Variants in QTMAN observed in about 807,000 individuals in gnomAD.
QTMAN encodes the protein tRNA-queuosine alpha-mannosyltransferase.
chr2:144,047,097 C>T, the QTMAN span, among the ~76,000 whole-genome samples: 1 of 152,082 alleles, frequency 6.6e-6, no homozygotes, highest in Admixed American at 6.5e-5. Flanking sequence ...ATGGCAAAAC[C>T]CTATCTCTAC....
At chr2:144,041,297 C>T in the QTMAN span, among the ~76,000 whole-genome samples, 2 of 152,004 alleles carry the variant, frequency 1.3e-5, no homozygotes, top group Non-Finnish European at 2.9e-5. Context: ...CCTACACAAT[C>T]GGGGAAGGAA....
At chr2:144,139,495 A>G in the QTMAN span, among the ~76,000 whole-genome samples, 1 of 152,128 alleles carries the variant, frequency 6.6e-6, no homozygotes, top group African/African-American at 2.4e-5. Context: ...GTGCAAGGTC[A>G]TTCCACAAGT....
chr2:144,167,050 A>G, the QTMAN span, among the ~76,000 whole-genome samples: 2 of 152,134 alleles, frequency 1.3e-5, no homozygotes, highest in Admixed American at 1.3e-4. Context: ...ATCTTTGTAC[A>G]TTATCTCTGC....
the QTMAN span, among the ~76,000 whole-genome samples, chr2:144,186,560 A>T: frequency 6.6e-6 from 1 of 152,154 alleles, no homozygotes; most frequent in Non-Finnish European, 1.5e-5. Context: ...TTCCTCTTCA[A>T]ATTCTCCATG....
At chr2:144,253,814 C>T in the QTMAN span, among the ~76,000 whole-genome samples, 4 of 151,864 alleles carry the variant, frequency 2.6e-5, no homozygotes, top group South Asian at 2.1e-4. Flanking sequence ...CAGAAATTTT[C>T]GTAAGTAACA....
chr2:144,133,513 AAT>A, the QTMAN span, among the ~76,000 whole-genome samples: 3 of 87,358 alleles, frequency 3.4e-5, no homozygotes, highest in South Asian at 3.0e-4. Flanking sequence ...ATATATACAT[AAT>A]ATATATAAAT....
chr2:144,082,593 T>C, the QTMAN span, among the ~76,000 whole-genome samples: 2 of 151,814 alleles, frequency 1.3e-5, no homozygotes, highest in East Asian at 3.9e-4. Context: ...CATACCCATA[T>C]AGTTAAAAAA....
chr2:144,330,520 T>C, the QTMAN span, among the ~76,000 whole-genome samples: 29 of 152,342 alleles, frequency 1.9e-4, no homozygotes, highest in African/African-American at 6.3e-4. Context: ...GAATCAAAAA[T>C]ATGAATCGAT....
At chr2:143,963,786 T>G in the QTMAN span, 1 of 152,178 alleles carries the variant, frequency 6.6e-6, no homozygotes, top group Non-Finnish European at 1.5e-5. Flanking sequence ...TGAATCTTCC[T>G]TACTTTTCCC....
the QTMAN span, among the ~76,000 whole-genome samples, chr2:143,973,145 G>A: frequency 6.6e-6 from 1 of 151,610 alleles, no homozygotes; most frequent in Non-Finnish European, 1.5e-5. Flanking sequence ...TTTTGTAGTT[G>A]GGGAAAAGAT....
At chr2:143,971,823 A>C in the QTMAN span, among the ~76,000 whole-genome samples, 2 of 152,166 alleles carry the variant, frequency 1.3e-5, no homozygotes, top group African/African-American at 2.4e-5. Flanking sequence ...GCTATATGAA[A>C]TATGAAAATT....
At chr2:144,031,778 GAC>G in the QTMAN span, among the ~76,000 whole-genome samples, 1 of 151,858 alleles carries the variant, frequency 6.6e-6, no homozygotes, top group Non-Finnish European at 1.5e-5. Context: ...TTTTTCTTGA[GAC>G]AGAATCTCAC....
At chr2:144,307,446 G>GCACT in the QTMAN span, among the ~76,000 whole-genome samples, 1 of 152,126 alleles carries the variant, frequency 6.6e-6, no homozygotes, top group African/African-American at 2.4e-5. Flanking sequence ...ATTTAACACT[G>GCACT]CACTAGTCTG....
chr2:144,275,834 C>A, the QTMAN span, among the ~76,000 whole-genome samples: 1 of 152,234 alleles, frequency 6.6e-6, no homozygotes, highest in East Asian at 1.9e-4. Flanking sequence ...AACTACAGAT[C>A]TTCTCCTCTG....
At chr2:143,970,073 T>C in the QTMAN span, among the ~76,000 whole-genome samples, 1 of 152,184 alleles carries the variant, frequency 6.6e-6, no homozygotes, top group African/African-American at 2.4e-5. Flanking sequence ...ACTGTGAGGA[T>C]GCAGGGTGAA....
chr2:144,250,336 G>T, the QTMAN span, among the ~76,000 whole-genome samples: 3 of 151,770 alleles, frequency 2.0e-5, no homozygotes, highest in Non-Finnish European at 4.4e-5. Context: ...TAGAGACAGG[G>T]TTTTACCATG....
At chr2:144,254,756 G>A in the QTMAN span, among the ~76,000 whole-genome samples, 5 of 152,190 alleles carry the variant, frequency 3.3e-5, no homozygotes, top group Non-Finnish European at 5.9e-5. Flanking sequence ...GCAGTCGGGA[G>A]GGAAGCTGTA....
At chr2:144,045,619 C>T in the QTMAN span, among the ~76,000 whole-genome samples, 3 of 152,136 alleles carry the variant, frequency 2.0e-5, no homozygotes, top group African/African-American at 4.8e-5. Flanking sequence ...AGAGAGGAGG[C>T]AGGCAGGGAG....
At chr2:144,131,237 A>G in the QTMAN span, among the ~76,000 whole-genome samples, 85 of 151,940 alleles carry the variant, frequency 5.6e-4, no homozygotes, top group South Asian at 1.5e-3. Flanking sequence ...TGAATTCACC[A>G]TCTTTATATC....
Sources: allele counts gnomAD v4.1 joint callset (sites outside exome capture counted in the v4.1 genomes callset), GRCh38; gene constraint gnomAD v4.1.1; transcripts MANE v1.5; gene names NCBI Gene and HGNC (gene_info 2026-07-23, HGNC 2026-07-21).